PLCL2: variants seen among roughly 807,000 people sequenced by gnomAD.
PLCL2 encodes the protein phospholipase C like 2.
Under a neutral mutation model 79.6 loss-of-function variants are expected in PLCL2, and 4 were observed. The observed-to-expected ratio is 0.05, with a 90% CI of 0.02 to 0.11. The LOEUF (loss-of-function observed/expected upper bound fraction) is 0.11. Ranked by LOEUF, PLCL2 falls within the 10% of genes least tolerant of loss-of-function variation. The pLI is 1.00. For synonymous variants in PLCL2, 484 were observed against 457.7 expected (o/e 1.06, Z -0.73); for missense variants, 895 against 1,291.0 (o/e 0.69, Z 4.70).
intron 1 of PLCL2, among the ~76,000 whole-genome samples, chr3:16,914,149 G>A (rs1696941868): frequency 6.6e-6 from 1 of 152,188 alleles, no homozygotes; most frequent in African/African-American, 2.4e-5. Context: ...TTACTTATGA[G>A]AAGTGCTTTA....
intron 3 of PLCL2, among the ~76,000 whole-genome samples, chr3:17,031,413 T>C (rs1373997498): frequency 6.6e-6 from 1 of 152,086 alleles, no homozygotes; most frequent in Admixed American, 6.6e-5. Context: ...CCTACCCACA[T>C]CCCTTCCTCC....
At chr3:16,983,189 G>A (rs2064017668) in intron 1 of PLCL2, among the ~76,000 whole-genome samples, 1 of 152,046 alleles carries the variant, frequency 6.6e-6, no homozygotes, top group Admixed American at 6.6e-5. Context: ...GATGTGTTTT[G>A]TTTTCTTTAG....
intron 3 of PLCL2, among the ~76,000 whole-genome samples, chr3:17,023,500 T>TCA (rs1269727781): frequency 4.6e-5 from 7 of 152,178 alleles, no homozygotes; most frequent in Non-Finnish European, 7.4e-5. Flanking sequence ...TGAAACCTGA[T>TCA]GGGTTTATCA....
chr3:16,899,288 A>T (rs1052474538), intron 1 of PLCL2, among the ~76,000 whole-genome samples: 1 of 152,228 alleles, frequency 6.6e-6, no homozygotes, highest in African/African-American at 2.4e-5. Context: ...CTACCTTCAC[A>T]AGAGGGCTGC....
At chr3:16,927,251 C>T (rs1398573619) in intron 1 of PLCL2, among the ~76,000 whole-genome samples, 1 of 152,012 alleles carries the variant, frequency 6.6e-6, no homozygotes, top group African/African-American at 2.4e-5. Context: ...TCACATTTCT[C>T]TTTAATTTTT....
At chr3:17,087,690 A>G (rs1038479489) in intron 5 of PLCL2, among the ~76,000 whole-genome samples, 3 of 152,332 alleles carry the variant, frequency 2.0e-5, no homozygotes, top group South Asian at 4.1e-4. Flanking sequence ...ATTGATTGTA[A>G]CAAGTATACC....
intron 3 of PLCL2, among the ~76,000 whole-genome samples, chr3:17,033,569 G>T (rs1221057674): frequency 6.6e-6 from 1 of 152,148 alleles, no homozygotes; most frequent in Non-Finnish European, 1.5e-5. Flanking sequence ...GCATTTGCGT[G>T]TGCACAAGTT....
intron 1 of PLCL2, among the ~76,000 whole-genome samples, chr3:16,933,887 G>A (rs1270783780): frequency 6.6e-6 from 1 of 152,058 alleles, no homozygotes; most frequent in Non-Finnish European, 1.5e-5. Flanking sequence ...GGCCAACATG[G>A]TGAAACCTGT....
At chr3:17,073,104 A>G (rs1387239354) in intron 5 of PLCL2, among the ~76,000 whole-genome samples, 3 of 152,194 alleles carry the variant, frequency 2.0e-5, no homozygotes, top group Admixed American at 6.5e-5. Flanking sequence ...TTGTGTGTCA[A>G]CTTTGAGACA....
At chr3:17,083,871 A>T (rs746086922) in intron 5 of PLCL2, among the ~76,000 whole-genome samples, 1 of 152,152 alleles carries the variant, frequency 6.6e-6, no homozygotes, top group East Asian at 1.9e-4. Flanking sequence ...ACTCAACTGG[A>T]CATGTGATGT....
At chr3:16,953,624 A>G (rs1372973839) in intron 1 of PLCL2, among the ~76,000 whole-genome samples, 1 of 152,168 alleles carries the variant, frequency 6.6e-6, no homozygotes, top group Non-Finnish European at 1.5e-5. Flanking sequence ...GTCATTTCTG[A>G]CTTCAGTGAA....
At chr3:17,004,500 G>A (rs1169487186) in intron 1 of PLCL2, among the ~76,000 whole-genome samples, 3 of 152,082 alleles carry the variant, frequency 2.0e-5, no homozygotes, top group East Asian at 1.9e-4. Flanking sequence ...GCATTTAACT[G>A]TACCTAGCTT....
intron 1 of PLCL2, among the ~76,000 whole-genome samples, chr3:16,956,740 T>G (rs1384925672): frequency 6.6e-6 from 1 of 152,228 alleles, no homozygotes; most frequent in Non-Finnish European, 1.5e-5. Context: ...ATTCAACTTC[T>G]TCCTGGTTTG....
At chr3:17,086,397 C>A in intron 5 of PLCL2, among the ~76,000 whole-genome samples, 1 of 152,296 alleles carries the variant, frequency 6.6e-6, no homozygotes, top group Non-Finnish European at 1.5e-5. Context: ...AAAATTCAGT[C>A]TAGGCACAAA....
intron 5 of PLCL2, among the ~76,000 whole-genome samples, chr3:17,077,410 A>G (rs761344873): frequency 6.6e-6 from 1 of 152,174 alleles, no homozygotes; most frequent in Non-Finnish European, 1.5e-5. Context: ...ACTTGCCAAC[A>G]TGACTTCTGT....
At chr3:16,926,221 G>A (rs780163631) in intron 1 of PLCL2, among the ~76,000 whole-genome samples, 13 of 152,126 alleles carry the variant, frequency 8.5e-5, no homozygotes, top group Non-Finnish European at 1.6e-4. Flanking sequence ...TCAGCTTTAA[G>A]TTGCTCTCAA....
At chr3:16,948,926 C>T (rs1205784534) in intron 1 of PLCL2, among the ~76,000 whole-genome samples, 2 of 152,026 alleles carry the variant, frequency 1.3e-5, no homozygotes, top group East Asian at 1.9e-4. Context: ...TGCATTGTCT[C>T]GAGGTCAACT....
chr3:17,027,715 G>A (rs762998234), intron 3 of PLCL2, among the ~76,000 whole-genome samples: 22 of 151,880 alleles, frequency 1.4e-4, no homozygotes, highest in Non-Finnish European at 2.9e-5. Flanking sequence ...CATAAGAATG[G>A]GATTCTAATC....
chr3:17,034,185 A>G (rs1161055215), intron 3 of PLCL2, among the ~76,000 whole-genome samples: 1 of 152,106 alleles, frequency 6.6e-6, no homozygotes, highest in Admixed American at 6.5e-5. Flanking sequence ...CACATAGCAA[A>G]GATGTGAGCT....
Sources: allele counts gnomAD v4.1 joint callset (sites outside exome capture counted in the v4.1 genomes callset), GRCh38; gene constraint gnomAD v4.1.1; transcripts MANE v1.5; gene names NCBI Gene and HGNC (gene_info 2026-07-23, HGNC 2026-07-21).